Variants in NUP107 observed in about 807,000 individuals in gnomAD.
The protein encoded by NUP107 is nuclear pore complex protein Nup107.
A neutral mutation model predicts 141.0 loss-of-function variants in NUP107; 101 were observed. The ratio of observed to expected loss-of-function variants is 0.72; its 90% CI spans 0.61 to 0.84. The LOEUF (loss-of-function observed/expected upper bound fraction) is 0.84, where lower values mean the gene tolerates loss of function less well. NUP107 is among the 40% of genes least tolerant of loss of function. NUP107 has a pLI of 0.00. For missense variants in NUP107, 941 were observed against 1,102.7 expected, an observed-to-expected ratio of 0.85 and a Z score of 2.08; for synonymous variants, 319 against 363.9, an observed-to-expected ratio of 0.88 and a Z score of 1.41.
At chr12:68,739,264 C>T (rs1565705868) in intron 26 of NUP107, among the ~76,000 whole-genome samples, 1 of 152,226 alleles carries the variant, frequency 6.6e-6, no homozygotes, top group African/African-American at 2.4e-5. Flanking sequence ...GCACTTAGCA[C>T]AATCTGATAT....
In NUP107 at chr12:68,742,433, G is replaced by T; in HGVS notation, c.2749G>T (p.Asp917Tyr). Residue 917 changes from aspartate to tyrosine, a missense_variant, in exon 28 of 28, where the codon GAC (aspartate) becomes TAC (tyrosine). Physicochemically the swap from Asp to Tyr is radical, Grantham distance 160. Coordinates refer to ENST00000229179, the MANE Select transcript of NUP107 (RefSeq NM_020401.4). ...SSLMLLDQGL[D>Y]PLGYEIQL is the part of the protein sequence containing the mutation. ...TCTAATGCTCCTAGACCAGGGACTT[G>T]ACCCATTAGGGTATGAAATTCAGTT... 1 of 1,596,816 alleles carries T rather than the reference G, an allele frequency of 6.3e-7. No homozygotes were observed. The highest frequency in any genetic ancestry group is 1.1e-5 in the South Asian group (1 of 88,932).
chr12:68,690,593 CGCACTT>C (rs1565684553), intron 3 of NUP107, 32 bp from the exon 4 acceptor site: 1 of 1,613,494 alleles, frequency 6.2e-7, no homozygotes, highest in Admixed American at 1.7e-5. Context: ...TGAATGCTCA[CGCACTT>C]TAGGTTCTTT....
intron 12 of NUP107, among the ~76,000 whole-genome samples, chr12:68,716,320 C>T (rs144447957): frequency 1.3e-5 from 2 of 149,726 alleles, no homozygotes; most frequent in East Asian, 3.9e-4. Flanking sequence ...CACTGCAGTC[C>T]TTACCTCCCG....
Position 68,713,244 on chromosome 12 carries a change from G to A in NUP107, c.891-486G>A, listed in dbSNP as rs148657150. On this transcript the variant is annotated intron_variant, in intron 10 of 27. Coordinates refer to ENST00000229179, the MANE Select transcript of NUP107 (RefSeq NM_020401.4). The stretch of plus-strand genomic sequence containing the variant: ...TAAAATGTTAGCAGGGCATGGTGGC[G>A]CGTGTCTGTAGTCCCAGCTACTCAG... Among the ~76,000 whole-genome samples the A allele has an allele frequency of 2.3e-3, 354 of 151,746 alleles. 2 individuals are homozygous for A. Among genetic ancestry groups the A allele is most frequent in the African/African-American group, 7.2e-3 (298 of 41,350 alleles).
intron 20 of NUP107, among the ~76,000 whole-genome samples, chr12:68,728,296 A>C (rs904296180): frequency 2.0e-5 from 3 of 151,760 alleles, no homozygotes; most frequent in African/African-American, 7.3e-5. Context: ...AAAAAAAAAA[A>C]AAAAAAACAA....
At chr12:68,698,784 C>T (rs1030196010) in intron 6 of NUP107, among the ~76,000 whole-genome samples, 2 of 151,998 alleles carry the variant, frequency 1.3e-5, no homozygotes, top group African/African-American at 2.4e-5. Flanking sequence ...GAGTTAGTTG[C>T]GAGGGAGCAA....
At chr12:68,709,962 A>G (rs376134696) in intron 9 of NUP107, 43 bp from the exon 10 acceptor site, 1 of 1,102,350 alleles carries the variant, frequency 9.1e-7, no homozygotes, top group African/African-American at 1.5e-5. Context: ...ACACAAATAG[A>G]TTTGGTAGTT....
At chr12:68,701,225 T>G (rs892781905) in intron 7 of NUP107, among the ~76,000 whole-genome samples, 3 of 152,216 alleles carry the variant, frequency 2.0e-5, no homozygotes, top group Admixed American at 6.5e-5. Flanking sequence ...AATCTAGGAA[T>G]TTTATGCCTA....
intron 8 of NUP107, among the ~76,000 whole-genome samples, chr12:68,703,309 G>A (rs1280453710): frequency 6.6e-6 from 1 of 152,032 alleles, no homozygotes; most frequent in Non-Finnish European, 1.5e-5. Flanking sequence ...AACAGTTTTG[G>A]TATGTATCCT....
chr12:68,686,998 G>A lies in NUP107; in HGVS notation c.-68G>A. On this transcript the variant is annotated 5_prime_UTR_variant, in exon 1 of 28. Coordinates refer to ENST00000229179, the MANE Select transcript of NUP107 (RefSeq NM_020401.4). ...GGGTCGAAGGGCTTGCTTCCGGAGA[G>A]CGGGAAGGCTAAAACGCGGTAGCTA... 6.2e-7 allele frequency: 1 copy of A among 1,607,772 alleles called. No homozygotes were observed. The highest frequency in any genetic ancestry group is 8.5e-7 in the Non-Finnish European group (1 of 1,174,276).
In NUP107 at chr12:68,703,106, A is replaced by G. The variant is rs1592498845; in HGVS notation, c.729+322A>G. On this transcript the variant is annotated intron_variant, in intron 8 of 27. Transcript: ENST00000229179. ...GGTGATCCACCCACCTTGGCCGCCC[A>G]AAGTGGTGGGATTACAGGCATGAGC... Among the ~76,000 whole-genome samples the G allele has an allele frequency of 3.3e-5, 5 of 152,310 alleles. No homozygotes were observed. The South Asian group carries it at 1.0e-3, about 32-fold the overall frequency.
At chr12:68,709,632 T>C (rs1876751620) in intron 9 of NUP107, among the ~76,000 whole-genome samples, 1 of 152,148 alleles carries the variant, frequency 6.6e-6, no homozygotes, top group Non-Finnish European at 1.5e-5. Context: ...ACTTCACGCC[T>C]GTAATCCCAG....
At chr12:68,727,515 TCA>T in intron 20 of NUP107, 126 bp downstream of exon 20, 1 of 559,502 alleles carries the variant, frequency 1.8e-6, no homozygotes, top group Non-Finnish European at 3.3e-6. Context: ...CTTTTAATTA[TCA>T]GCACAGTTGA....
At chr12:68,710,115 C>G (rs1033126311) in intron 10 of NUP107, 22 bp downstream of exon 10, 60 of 1,158,348 alleles carry the variant, frequency 5.2e-5, no homozygotes, top group Non-Finnish European at 6.8e-5. Context: ...AACTTTAATT[C>G]TTAAGGTCAC....
chr12:68,722,597 T>C (rs1175979953), intron 17 of NUP107, among the ~76,000 whole-genome samples: 15 of 152,198 alleles, frequency 9.9e-5, no homozygotes, highest in African/African-American at 3.6e-4. Context: ...CCTGAGATGA[T>C]AAAACATACT....
At chr12:68,727,282 TTG>T in intron 19 of NUP107, 67 bp from the exon 20 acceptor site, 2 of 762,384 alleles carry the variant, frequency 2.6e-6, no homozygotes, top group Non-Finnish European at 4.5e-6. Context: ...ATAATGGAAT[TTG>T]TATCAAAAAT....
rs1429519380 is a variant in NUP107, at chr12:68,708,425, A to T, written c.730-813A>T. On this transcript the variant is annotated intron_variant, in intron 8 of 27. Transcript: ENST00000229179. The stretch of plus-strand genomic sequence containing the variant: ...ATTCTTGAACTGGTCACAATATATT[A>T]TCCTTTTAATATACTGCTTAGTATT... 2.0e-5 allele frequency among the ~76,000 whole-genome samples: 3 copies of T among 152,194 alleles called. No individual in the cohort carries two copies. In the East Asian group the frequency reaches 5.8e-4, roughly 29 times the overall value.
intron 9 of NUP107, 62 bp downstream of exon 9, chr12:68,709,371 A>G: frequency 1.1e-6 from 1 of 888,032 alleles, no homozygotes; most frequent in Middle Eastern, 2.5e-4. Context: ...TGACATGCAA[A>G]GTACTGAAGT....
intron 8 of NUP107, among the ~76,000 whole-genome samples, chr12:68,703,491 C>T (rs1876434901): frequency 1.3e-5 from 2 of 151,398 alleles, no homozygotes; most frequent in African/African-American, 4.9e-5. Context: ...CACTCTGTCA[C>T]CCAGGTTGGA....
Sources: allele counts gnomAD v4.1 joint callset (sites outside exome capture counted in the v4.1 genomes callset), GRCh38; gene constraint gnomAD v4.1.1; transcripts MANE v1.5; gene names NCBI Gene and HGNC (gene_info 2026-07-23, HGNC 2026-07-21).